The following CMPK2 variants were observed in gnomAD, a reference collection of about 807,000 sequenced individuals.
The protein encoded by CMPK2 is UMP-CMP kinase 2, mitochondrial.
In CMPK2, 32 loss-of-function variants were observed where a neutral mutation model predicts 33.4. The observed-to-expected ratio is 0.96, with a 90% CI of 0.72 to 1.29. The LOEUF (loss-of-function observed/expected upper bound fraction) is 1.29. Ranked by LOEUF, CMPK2 falls within the 50% of genes most tolerant of loss-of-function variation. The pLI, the probability that CMPK2 is intolerant of heterozygous loss-of-function variation, is 0.00. For synonymous variants in CMPK2, 299 were observed against 275.3 expected (o/e 1.09, Z -0.85); for missense variants, 672 against 616.0 (o/e 1.09, Z -0.96).
rs551328105 is a variant in CMPK2 at position 6,865,411 on chromosome 2, G to C, written c.286C>G (p.Gln96Glu). Residue 96 changes from glutamine (Q) to glutamate (E), a missense_variant, in exon 1 of 5, where the codon CAG (glutamine) becomes GAG (glutamate). Gln to Glu is a conservative substitution (Grantham distance 29). Coordinates refer to ENST00000256722, the MANE Select transcript of CMPK2 (RefSeq NM_207315.4). ...CGGCGCAGCTGGTGCAGCAGGCGCT[G>C]GTGCAGCCGCGCCGCCCGGACCCGG... ...GARVRAARLHQRLLHQLRRGP... is the reference protein window; with the variant it reads ...GARVRAARLHERLLHQLRRGP... The C allele has an allele frequency of 1.6e-4, 210 of 1,325,584 alleles. 5 individuals are homozygous for C. The South Asian group carries it at 4.3e-3, about 27-fold the overall frequency. 82.1% of individuals were successfully genotyped at this position (1,325,584 alleles called of 1,614,324 possible). A position where few individuals can be genotyped will look rare whatever the true frequency, so the allele number is the denominator to read the frequency against.
At chr2:6,863,251 G>A (rs1662933733) in intron 2 of CMPK2, among the ~76,000 whole-genome samples, 1 of 152,158 alleles carries the variant, frequency 6.6e-6, no homozygotes, top group Non-Finnish European at 1.5e-5. Flanking sequence ...TGTTCCGCCA[G>A]AGCACTGAGG....
At chr2:6,866,240 C>T (rs1663087032), upstream of CMPK2, among the ~76,000 whole-genome samples, 1 of 152,240 alleles carries the variant, frequency 6.6e-6, no homozygotes, top group Non-Finnish European at 1.5e-5. Flanking sequence ...TGACCAGGCC[C>T]TGCAGACCAT....
chr2:6,863,427 T>C (rs551162751), intron 2 of CMPK2, 37 bp downstream of exon 2: 1 of 1,527,454 alleles, frequency 6.5e-7, no homozygotes, highest in African/African-American at 1.4e-5. Context: ...AATCAGTTAG[T>C]GTCATTGCCT....
At chr2:6,850,604 T>C (rs1053378222) in intron 4 of CMPK2, 27 of 349,510 alleles carry the variant, frequency 7.7e-5, no homozygotes, top group African/African-American at 6.0e-4. Flanking sequence ...TTCTCCTCTC[T>C]GTGTCTCAGT....
chr2:6,854,662 G>A (rs1452199035), intron 3 of CMPK2, among the ~76,000 whole-genome samples: 1 of 152,150 alleles, frequency 6.6e-6, no homozygotes, highest in Non-Finnish European at 1.5e-5. Flanking sequence ...CCACTATTTA[G>A]TATTCTCCAC....
At chr2:6,861,475 C>T in intron 2 of CMPK2, 90 bp from the exon 3 acceptor site, 9 of 904,100 alleles carry the variant, frequency 1.0e-5, no homozygotes, top group African/African-American at 3.3e-5. Flanking sequence ...TCTCAAACTG[C>T]AAATGAAATG....
chr2:6,846,166 A>G (rs1348739214), downstream of CMPK2, among the ~76,000 whole-genome samples: 1 of 152,228 alleles, frequency 6.6e-6, no homozygotes, highest in Non-Finnish European at 1.5e-5. Context: ...TTTTCAGGCA[A>G]AAGTTAGAAA....
chr2:6,865,581 T>C lies in CMPK2; in HGVS notation c.116A>G (p.Asp39Gly). Residue 39 changes from aspartate to glycine, a missense_variant, in exon 1 of 5, where the codon GAC (aspartate) becomes GGC (glycine). Asp to Gly is a moderately conservative substitution (Grantham distance 94). Transcript: ENST00000256722. ...TAGGGCGAAGTGAGCCAGGGTGCAG[T>C]CGGGAAGCTCCAGGACGAAGCGGCG... ...PPRRFVLELP[D>G]CTLAHFALGA... is the part of the protein sequence containing the mutation. 7.2e-7 allele frequency: 1 copy of C among 1,381,710 alleles called. No individual in the cohort carries two copies. The highest frequency in any genetic ancestry group is 1.5e-5 in the African/African-American group (1 of 66,184). The allele number at this position is 1,381,710 out of a possible 1,614,324, so 85.6% of individuals were successfully genotyped here.
At chr2:6,854,619 T>C (rs948324184) in intron 3 of CMPK2, among the ~76,000 whole-genome samples, 3 of 152,144 alleles carry the variant, frequency 2.0e-5, no homozygotes, top group Admixed American at 1.3e-4. Flanking sequence ...TTTTAAATAA[T>C]TGCACCCTTA....
At position 6,865,893 on chromosome 2, in the gene CMPK2, C is replaced by G; in HGVS notation, c.-197G>C. 1 of 1,410,112 alleles carries G rather than the reference C, an allele frequency of 7.1e-7. No homozygotes were observed. Among genetic ancestry groups the G allele is most frequent in the South Asian group, 1.4e-5 (1 of 72,078 alleles). 87.3% of individuals were successfully genotyped at this position (1,410,112 alleles called of 1,614,324 possible). A position where few individuals can be genotyped will look rare whatever the true frequency, so the allele number is the denominator to read the frequency against. On this transcript the variant is annotated 5_prime_UTR_variant, in exon 1 of 5. Coordinates refer to ENST00000256722, the MANE Select transcript of CMPK2 (RefSeq NM_207315.4). ...TGGGGCGCCCTTCCGGCCTCTCCTC[C>G]TCGCCGCGAGATGTGCGCGATAAAC...
At position 6,865,012 on chromosome 2, in the gene CMPK2, G is replaced by C. The variant is rs1449729850; in HGVS notation, c.675+10C>G. ...CCACGCTGGGAGCTGGAAGCGGACA[G>C]AACTCTTACCTCCTCCAAAACGGCC... On this transcript the variant is annotated intron_variant, in intron 1 of 4. Coordinates refer to ENST00000256722, the MANE Select transcript of CMPK2 (RefSeq NM_207315.4). 1 of 1,412,294 alleles carries C rather than the reference G, an allele frequency of 7.1e-7. No homozygotes were observed. The highest frequency in any genetic ancestry group is 9.3e-7 in the Non-Finnish European group (1 of 1,080,986). 87.5% of individuals were successfully genotyped at this position (1,412,294 alleles called of 1,614,324 possible). A position where few individuals can be genotyped will look rare whatever the true frequency, so the allele number is the denominator to read the frequency against.
At position 6,851,126 on chromosome 2, in the gene CMPK2, T is replaced by C. The variant is rs956298740; in HGVS notation, c.1226+324A>G. The stretch of plus-strand genomic sequence containing the variant: ...ATGTTACTATGAGCTCGTTATCTAG[T>C]GCTCTGTGTGATTATACTATGACTG... On this transcript the variant is annotated intron_variant, in intron 4 of 4. Coordinates refer to ENST00000256722, the MANE Select transcript of CMPK2 (RefSeq NM_207315.4). 10 of 1,171,100 alleles carry C rather than the reference T, an allele frequency of 8.5e-6. No individual in the cohort carries two copies. In the African/African-American group the frequency reaches 1.6e-4, roughly 19 times the overall value. 72.5% of individuals were successfully genotyped at this position (1,171,100 alleles called of 1,614,324 possible). A position where few individuals can be genotyped will look rare whatever the true frequency, so the allele number is the denominator to read the frequency against.
At chr2:6,843,140 G>A (rs1285521322) in intron 3 of CMPK2, among the ~76,000 whole-genome samples, 3 of 152,194 alleles carry the variant, frequency 2.0e-5, no homozygotes, top group East Asian at 1.9e-4. Flanking sequence ...AGGCAGTACT[G>A]TCCAAGTCAA....
At chr2:6,857,836 C>T (rs897891214) in intron 3 of CMPK2, among the ~76,000 whole-genome samples, 18 of 151,178 alleles carry the variant, frequency 1.2e-4, no homozygotes, top group South Asian at 2.1e-4. Flanking sequence ...GGGGTTTCAC[C>T]GTGTTAGCCA....
At chr2:6,857,883 C>T (rs942042925) in intron 3 of CMPK2, among the ~76,000 whole-genome samples, 1 of 152,138 alleles carries the variant, frequency 6.6e-6, no homozygotes, top group Non-Finnish European at 1.5e-5. Flanking sequence ...GATCCGCCCA[C>T]CTCAGCCTCC....
At chr2:6,843,690 G>T (rs977535552), downstream of CMPK2, among the ~76,000 whole-genome samples, 2 of 152,170 alleles carry the variant, frequency 1.3e-5, no homozygotes, top group Admixed American at 6.5e-5. Flanking sequence ...GTAAAAGACT[G>T]GGATGCTCAG....
intron 3 of CMPK2, among the ~76,000 whole-genome samples, 156 bp from the exon 4 acceptor site, chr2:6,851,839 A>T (rs1662535450): frequency 6.6e-6 from 1 of 152,262 alleles, no homozygotes; most frequent in South Asian, 2.1e-4. Flanking sequence ...TAAACTAAAA[A>T]AAGTTATACA....
At chr2:6,855,542 T>G (rs1464895599) in intron 3 of CMPK2, among the ~76,000 whole-genome samples, 1 of 152,180 alleles carries the variant, frequency 6.6e-6, no homozygotes, top group Non-Finnish European at 1.5e-5. Context: ...AGATATCACA[T>G]ATGATAACAT....
chr2:6,843,704 T>C (rs1265784307), downstream of CMPK2, among the ~76,000 whole-genome samples: 1 of 152,160 alleles, frequency 6.6e-6, no homozygotes, highest in Non-Finnish European at 1.5e-5. Flanking sequence ...TGCTCAGGCA[T>C]GATTAAAAAG....
Sources: allele counts gnomAD v4.1 joint callset (sites outside exome capture counted in the v4.1 genomes callset), GRCh38; gene constraint gnomAD v4.1.1; transcripts MANE v1.5; gene names NCBI Gene and HGNC (gene_info 2026-07-23, HGNC 2026-07-21).